Variants in GRAMD2B observed in about 807,000 individuals in gnomAD.
GRAMD2B encodes GRAM domain-containing protein 2B.
Under a neutral mutation model 59.2 loss-of-function variants are expected in GRAMD2B, and 41 were observed. The ratio of observed to expected loss-of-function variants is 0.69; its 90% CI spans 0.54 to 0.90. The LOEUF is 0.90. GRAMD2B is among the 40% of genes least tolerant of loss of function. GRAMD2B has a pLI of 0.00. For synonymous variants in GRAMD2B, 161 were observed against 182.7 expected (o/e 0.88, Z 0.96); for missense variants, 424 against 500.5 (o/e 0.85, Z 1.46).
intron 1 of GRAMD2B, among the ~76,000 whole-genome samples, chr5:126,411,037 G>A (rs1034331016): frequency 1.3e-5 from 2 of 151,832 alleles, no homozygotes; most frequent in Non-Finnish European, 2.9e-5. Context: ...TAGTTTGTGA[G>A]CATTTTCTCC....
rs76041853 is a variant in GRAMD2B, at chr5:126,481,529, G to A, written c.735+822G>A. On this transcript the variant is annotated intron_variant, in intron 8 of 13. Transcript: ENST00000285689. ...GTTTAAAAGTAATGGGATTGAAAGC[G>A]TTTTCACACAAACACTTGTACAAGA... Among the ~76,000 whole-genome samples, 1,281 of 152,208 alleles carry A rather than the reference G, an allele frequency of 8.4e-3. 20 individuals are homozygous for A. Among genetic ancestry groups the A allele is most frequent in the African/African-American group, 0.029 (1,218 of 41,538 alleles).
intron 1 of GRAMD2B, among the ~76,000 whole-genome samples, chr5:126,425,864 G>T (rs886471374): frequency 6.6e-6 from 1 of 152,194 alleles, no homozygotes; most frequent in Non-Finnish European, 1.5e-5. Flanking sequence ...GGTAGAAAGG[G>T]TGGGGAAGGA....
chr5:126,436,716 A>G (rs954607511), intron 1 of GRAMD2B, among the ~76,000 whole-genome samples: 5 of 152,224 alleles, frequency 3.3e-5, no homozygotes, highest in African/African-American at 1.2e-4. Context: ...GACATTAACT[A>G]TGAATTTCAA....
chr5:126,481,995 G>GAAGTACTGA (rs1771971556), intron 8 of GRAMD2B, among the ~76,000 whole-genome samples: 1 of 148,954 alleles, frequency 6.7e-6, no homozygotes, highest in African/African-American at 2.5e-5. Flanking sequence ...AAGGGGAGAT[G>GAAGTACTGA]AAGTACTGAT....
chr5:126,412,390 C>T (rs1237415548), intron 1 of GRAMD2B, among the ~76,000 whole-genome samples: 3 of 151,780 alleles, frequency 2.0e-5, no homozygotes, highest in Non-Finnish European at 4.4e-5. Context: ...TTTTAAATTC[C>T]GTTTGTGTGA....
chr5:126,366,308 C>A (rs1204073468), intron 1 of GRAMD2B, among the ~76,000 whole-genome samples: 1 of 152,230 alleles, frequency 6.6e-6, no homozygotes, highest in African/African-American at 2.4e-5. Flanking sequence ...ACTCCATGGG[C>A]CTAGACTGTC....
At chr5:126,390,958 CCACTTTG>C (rs1756679838) in intron 1 of GRAMD2B, among the ~76,000 whole-genome samples, 1 of 152,120 alleles carries the variant, frequency 6.6e-6, no homozygotes, top group African/African-American at 2.4e-5. Flanking sequence ...CATACTCTAG[CCACTTTG>C]CTGTACTCCA....
chr5:126,434,307 TA>T (rs1259561292), intron 1 of GRAMD2B, among the ~76,000 whole-genome samples: 5 of 152,196 alleles, frequency 3.3e-5, no homozygotes, highest in African/African-American at 9.6e-5. Context: ...AATTAAAAAT[TA>T]TTTTTTTAAA....
At chr5:126,376,637 G>A (rs1341175565) in intron 1 of GRAMD2B, among the ~76,000 whole-genome samples, 4 of 152,160 alleles carry the variant, frequency 2.6e-5, no homozygotes, top group African/African-American at 9.7e-5. Context: ...CAAGCCCATG[G>A]GCTCAGCGCC....
intron 1 of GRAMD2B, among the ~76,000 whole-genome samples, chr5:126,372,938 T>C (rs967379981): frequency 2.0e-5 from 3 of 151,676 alleles, no homozygotes; most frequent in African/African-American, 4.8e-5. Context: ...CAAATAAATA[T>C]TAAAACAAAT....
At chr5:126,444,122 C>G (rs944493181) in intron 1 of GRAMD2B, among the ~76,000 whole-genome samples, 1 of 151,688 alleles carries the variant, frequency 6.6e-6, no homozygotes, top group Non-Finnish European at 1.5e-5. Flanking sequence ...CCAGTCCTGG[C>G]CTACCTTTTC....
At chr5:126,384,726 C>T (rs1270947675) in intron 1 of GRAMD2B, among the ~76,000 whole-genome samples, 3 of 152,336 alleles carry the variant, frequency 2.0e-5, no homozygotes, top group African/African-American at 7.2e-5. Flanking sequence ...ACTCTATGCA[C>T]GCACTCTGGT....
intron 1 of GRAMD2B, among the ~76,000 whole-genome samples, chr5:126,441,764 T>C (rs1313493035): frequency 2.0e-5 from 3 of 152,174 alleles, no homozygotes; most frequent in Non-Finnish European, 4.4e-5. Flanking sequence ...TGAGGATTTT[T>C]TTAGGAATAT....
At chr5:126,377,558 C>G (rs941140828) in intron 1 of GRAMD2B, among the ~76,000 whole-genome samples, 1 of 152,152 alleles carries the variant, frequency 6.6e-6, no homozygotes, top group African/African-American at 2.4e-5. Flanking sequence ...AGATATGTAG[C>G]CAAAGGCATT....
At chr5:126,420,054 C>CAAAAAAA (rs386404926), upstream of GRAMD2B, among the ~76,000 whole-genome samples, 122 of 103,442 alleles carry the variant, frequency 1.2e-3, 1 homozygote, top group African/African-American at 1.6e-3. Flanking sequence ...GACTCTTTCT[C>CAAAAAAA]AAAAAAAAAA....
At position 126,494,029 on chromosome 5, in the gene GRAMD2B, A is replaced by T. The variant is rs571094274; in HGVS notation, c.*1073A>T. Reference sequence around the variant, plus strand: ...TGCATTTGATAATCATTTCTATGAAATGTATTTTATTTAATCAGATAAGCT... The same window carrying T: ...TGCATTTGATAATCATTTCTATGAATTGTATTTTATTTAATCAGATAAGCT... On this transcript the variant is annotated 3_prime_UTR_variant, in exon 14 of 14. Transcript: ENST00000285689. 52 of 152,646 alleles carry T rather than the reference A, an allele frequency of 3.4e-4. No homozygotes were observed. Among genetic ancestry groups the T allele is most frequent in the Non-Finnish European group, 6.2e-4 (42 of 68,046 alleles). The allele number at this position is 152,646 out of a possible 1,614,324, so 9.5% of individuals were successfully genotyped here.
At chr5:126,427,045 G>T (rs12519258) in intron 1 of GRAMD2B, among the ~76,000 whole-genome samples, 1 of 151,960 alleles carries the variant, frequency 6.6e-6, no homozygotes, top group African/African-American at 2.4e-5. Flanking sequence ...TAGTCGTAGC[G>T]TAGCCAGACT....
exon 1 of GRAMD2B, chr5:126,360,169 C>A (rs1288450302): frequency 1.4e-5 from 10 of 704,618 alleles, no homozygotes; most frequent in Admixed American, 6.0e-5. Flanking sequence ...CTGGTGCCAT[C>A]CCTCTGAGCA....
intron 1 of GRAMD2B, 65 bp downstream of exon 1, chr5:126,423,754 C>A: frequency 6.7e-7 from 1 of 1,494,550 alleles, no homozygotes; most frequent in Non-Finnish European, 9.0e-7. Flanking sequence ...CTTCTCTGCC[C>A]CGGGACGCAT....
Sources: gnomAD v4.1 joint callset for allele counts (sites outside exome capture counted in the v4.1 genomes callset) on GRCh38, gnomAD v4.1.1 for gene constraint, MANE v1.5 for transcripts, NCBI Gene and HGNC (gene_info 2026-07-23, HGNC 2026-07-21) for gene names.